The following PCDHGA11 variants were observed in gnomAD, a reference collection of about 807,000 sequenced individuals.
PCDHGA11 encodes protocadherin gamma-A11.
A neutral mutation model predicts 60.4 loss-of-function variants in PCDHGA11; 39 were observed. The observed-to-expected ratio is 0.65, with a 90% CI of 0.50 to 0.84. The LOEUF (loss-of-function observed/expected upper bound fraction) is 0.84. Among genes scored for constraint, PCDHGA11 ranks in the 40% least tolerant of loss-of-function variants. The pLI, the probability that PCDHGA11 is intolerant of heterozygous loss-of-function variation, is 0.00. For synonymous variants in PCDHGA11, 533 were observed against 510.3 expected (o/e 1.04, Z -0.60); for missense variants, 1,165 against 1,197.7 (o/e 0.97, Z 0.40).
In PCDHGA11 at chr5:141,477,080, A is replaced by G; in HGVS notation, c.2434-17727A>G. 1.9e-6 allele frequency: 3 copies of G among 1,614,254 alleles called. No homozygotes were observed. The highest frequency in any genetic ancestry group is 2.5e-6 in the Non-Finnish European group (3 of 1,180,042). ...GGACACCAAACTCCATGAGATTTAC[A>G]TCCAGGCCAAAGACAAGGGCGCCAA... On this transcript the variant is annotated intron_variant, in intron 1 of 3. Coordinates refer to ENST00000398587, the MANE Select transcript of PCDHGA11 (RefSeq NM_018914.3). The surrounding 1 kb of genome is among the most constrained non-coding windows in gnomAD (Gnocchi z 4.9).
intron 1 of PCDHGA11, among the ~76,000 whole-genome samples, chr5:141,450,005 T>A (rs1439257597): frequency 1.0e-5 from 1 of 99,604 alleles, no homozygotes; most frequent in Non-Finnish European, 1.8e-5. Context: ...TTGCCATGTC[T>A]CTTTTTTTTT....
At position 141,491,700 on chromosome 5, in the gene PCDHGA11, G is replaced by A. The variant is rs1199177466; in HGVS notation, c.2434-3107G>A. 3.1e-6 allele frequency: 5 copies of A among 1,611,830 alleles called. No homozygotes were observed. The highest frequency in any genetic ancestry group is 4.2e-6 in the Non-Finnish European group (5 of 1,179,142). On this transcript the variant is annotated intron_variant, in intron 1 of 3. Coordinates refer to ENST00000398587, the MANE Select transcript of PCDHGA11 (RefSeq NM_018914.3). The surrounding 1 kb of genome is among the most constrained non-coding windows in gnomAD (Gnocchi z 6.9). ...CTAATACGCTGCGGGAGCGGAGCCA[G>A]GTGAGGGGCTCGGCGCCGCCCCGGG...
intron 1 of PCDHGA11, among the ~76,000 whole-genome samples, chr5:141,482,089 CA>C (rs36035257): frequency 0.43 from 58,297 of 134,322 alleles, 12,050 homozygotes; most frequent in African/African-American, 0.53. Context: ...CACTCCATCT[CA>C]AAAAAAAAAA....
chr5:141,465,348 A>G (rs886810999), intron 1 of PCDHGA11, among the ~76,000 whole-genome samples: 2 of 152,158 alleles, frequency 1.3e-5, no homozygotes, highest in African/African-American at 4.8e-5. Flanking sequence ...GTTACTGAAG[A>G]AAAAATGGGT....
intron 1 of PCDHGA11, chr5:141,427,212 C>T (rs2097000434): frequency 4.4e-6 from 2 of 456,702 alleles, no homozygotes; most frequent in Non-Finnish European, 8.8e-6. Flanking sequence ...CTTCGAATTT[C>T]GTAGCAGTTA....
At chr5:141,427,707 T>C in intron 1 of PCDHGA11, 1 of 1,011,828 alleles carries the variant, frequency 9.9e-7, no homozygotes, top group Non-Finnish European at 1.5e-6. Context: ...AGTCAGCGCC[T>C]CTGACCTGGA....
chr5:141,476,438 C>G lies in PCDHGA11; in HGVS notation c.2434-18369C>G. On this transcript the variant is annotated intron_variant, in intron 1 of 3. Coordinates refer to ENST00000398587, the MANE Select transcript of PCDHGA11 (RefSeq NM_018914.3). This position sits in a 1 kb window ranked among gnomAD's most constrained non-coding sequence, Gnocchi z 7.6. The stretch of plus-strand genomic sequence containing the variant: ...GACACTGCCCTCTTGCACTGTAACT[C>G]TGGAGTTGGTAGTGGAGAACCCGCT... 1 of 1,614,090 alleles carries G rather than the reference C, an allele frequency of 6.2e-7. No homozygotes were observed. Among genetic ancestry groups the G allele is most frequent in the Non-Finnish European group, 8.5e-7 (1 of 1,180,026 alleles).
At position 141,490,982 on chromosome 5, in the gene PCDHGA11, G is replaced by T; in HGVS notation, c.2434-3825G>T. ...CACTCAGCCCCCCAGCGTCTCCCTC[G>T]CTCTGCTCCTCCTGGCTCCTTGGTC... On this transcript the variant is annotated intron_variant, in intron 1 of 3. Coordinates refer to ENST00000398587, the MANE Select transcript of PCDHGA11 (RefSeq NM_018914.3). This position sits in a 1 kb window ranked among gnomAD's most constrained non-coding sequence, Gnocchi z 5.4. 1.2e-6 allele frequency: 2 copies of T among 1,613,994 alleles called. No individual in the cohort carries two copies. The highest frequency in any genetic ancestry group is 1.7e-6 in the Non-Finnish European group (2 of 1,180,002).
rs2096549842 is a variant in PCDHGA11 at position 141,421,159 on chromosome 5, C to G, written c.-69C>G. On this transcript the variant is annotated 5_prime_UTR_variant, in exon 1 of 4. Transcript: ENST00000398587. ...TTTGGATGTAGTCGGCCTAGGACTTCATAGATACATAAGCCGATTCACAAC... is the reference window on the plus strand; with the variant it reads ...TTTGGATGTAGTCGGCCTAGGACTTGATAGATACATAAGCCGATTCACAAC... 3 of 1,236,898 alleles carry G rather than the reference C, an allele frequency of 2.4e-6. No individual in the cohort carries two copies. 76.6% of individuals were successfully genotyped at this position (1,236,898 alleles called of 1,614,324 possible). A position where few individuals can be genotyped will look rare whatever the true frequency, so the allele number is the denominator to read the frequency against.
rs758065876 is a variant in PCDHGA11 at position 141,422,916 on chromosome 5, C to A, written c.1689C>A (p.Ile563=). 5.6e-6 allele frequency: 9 copies of A among 1,614,260 alleles called. No homozygotes were observed. In the South Asian group the frequency reaches 9.9e-5, roughly 18 times the overall value. ...VLDQNDNAPE[I]LYPALPTDGS... ...ACCAGAACGACAATGCGCCCGAGAT[C>A]CTGTACCCTGCCCTCCCCACAGACG... Residue 563 remains isoleucine, a synonymous_variant, in exon 1 of 4, where the codon ATC becomes ATA. Coordinates refer to ENST00000398587, the MANE Select transcript of PCDHGA11 (RefSeq NM_018914.3).
At chr5:141,452,831 G>A (rs1184490491) in intron 1 of PCDHGA11, among the ~76,000 whole-genome samples, 1 of 152,104 alleles carries the variant, frequency 6.6e-6, no homozygotes, top group Non-Finnish European at 1.5e-5. Flanking sequence ...AAAATCACTT[G>A]GTCCAGCCCA....
intron 1 of PCDHGA11, chr5:141,475,956 G>T (rs2099382674): frequency 2.5e-6 from 2 of 805,186 alleles, no homozygotes; most frequent in South Asian, 1.9e-5. Flanking sequence ...TCTGCGCCCC[G>T]GGATGAGGCA....
At position 141,476,456 on chromosome 5, in the gene PCDHGA11, A is replaced by C; in HGVS notation, c.2434-18351A>C. The C allele has an allele frequency of 6.2e-7, 1 of 1,614,058 alleles. No homozygotes were observed. Among genetic ancestry groups the C allele is most frequent in the Non-Finnish European group, 8.5e-7 (1 of 1,180,010 alleles). On this transcript the variant is annotated intron_variant, in intron 1 of 3. Transcript: ENST00000398587. The surrounding 1 kb of genome is among the most constrained non-coding windows in gnomAD (Gnocchi z 7.6). ...TGTAACTCTGGAGTTGGTAGTGGAGAACCCGCTGGAGCTGTTCAGCGTGGA... is the reference window on the plus strand; with the variant it reads ...TGTAACTCTGGAGTTGGTAGTGGAGCACCCGCTGGAGCTGTTCAGCGTGGA...
chr5:141,487,459 T>A lies in PCDHGA11; in HGVS notation c.2434-7348T>A. The A allele has an allele frequency of 1.2e-6, 2 of 1,614,102 alleles. No homozygotes were observed. Among genetic ancestry groups the A allele is most frequent in the Non-Finnish European group, 1.7e-6 (2 of 1,180,008 alleles). On this transcript the variant is annotated intron_variant, in intron 1 of 3. Transcript: ENST00000398587. The surrounding 1 kb of genome is among the most constrained non-coding windows in gnomAD (Gnocchi z 5.0). ...TAGGGTCAGATGACCCTATCAAGTT[T>A]GTTGATGTGGGAGGCCACTCTCATG...
rs769249726 is a variant in PCDHGA11 at position 141,490,832 on chromosome 5, A to C, written c.2434-3975A>C. On this transcript the variant is annotated intron_variant, in intron 1 of 3. Transcript: ENST00000398587. This position sits in a 1 kb window ranked among gnomAD's most constrained non-coding sequence, Gnocchi z 5.4. Reference sequence around the variant, plus strand: ...GACTATGAATTGCTGCAGATGCTGCAGATTGTGGTGGGGGTTCGAGACTCC... The same window carrying C: ...GACTATGAATTGCTGCAGATGCTGCCGATTGTGGTGGGGGTTCGAGACTCC... 1.5e-5 allele frequency: 25 copies of C among 1,613,796 alleles called. No individual in the cohort carries two copies. In the South Asian group the frequency reaches 2.6e-4, roughly 17 times the overall value.
intron 1 of PCDHGA11, chr5:141,478,776 A>G (rs961079570): frequency 1.3e-6 from 2 of 1,488,690 alleles, no homozygotes; most frequent in East Asian, 2.5e-5. Flanking sequence ...TCATCTGTGG[A>G]CCTAATTCAC....
rs762312563 is a variant in PCDHGA11 at position 141,493,182 on chromosome 5, A to G, written c.2434-1625A>G. Among the ~76,000 whole-genome samples, 1 of 152,232 alleles carries G rather than the reference A, an allele frequency of 6.6e-6. No homozygotes were observed. The highest frequency in any genetic ancestry group is 2.4e-5 in the African/African-American group (1 of 41,460). The stretch of plus-strand genomic sequence containing the variant: ...TAGCTGATTGAGAGAAACTTACTAT[A>G]TAACTCCTTTGAGAACCTCATCTCA... On this transcript the variant is annotated intron_variant, in intron 1 of 3. Coordinates refer to ENST00000398587, the MANE Select transcript of PCDHGA11 (RefSeq NM_018914.3). The surrounding 1 kb of genome is among the most constrained non-coding windows in gnomAD (Gnocchi z 4.3).
chr5:141,436,659 G>A (rs771567212), intron 1 of PCDHGA11, among the ~76,000 whole-genome samples: 3 of 152,136 alleles, frequency 2.0e-5, no homozygotes, highest in Non-Finnish European at 2.9e-5. Flanking sequence ...GCCATTTTTA[G>A]TGGTTGACCA....
In PCDHGA11 at chr5:141,490,296, G is replaced by T; in HGVS notation, c.2434-4511G>T. The stretch of plus-strand genomic sequence containing the variant: ...ATGACAATGCCCCAGAGGTGCTATT[G>T]GCCTCTTTGGCCAACCCTGTCCTAG... On this transcript the variant is annotated intron_variant, in intron 1 of 3. Coordinates refer to ENST00000398587, the MANE Select transcript of PCDHGA11 (RefSeq NM_018914.3). This position sits in a 1 kb window ranked among gnomAD's most constrained non-coding sequence, Gnocchi z 5.4. 6.2e-7 allele frequency: 1 copy of T among 1,614,184 alleles called. No homozygotes were observed. Among genetic ancestry groups the T allele is most frequent in the South Asian group, 1.1e-5 (1 of 91,084 alleles).
Sources: allele counts gnomAD v4.1 joint callset (sites outside exome capture counted in the v4.1 genomes callset), GRCh38; gene constraint gnomAD v4.1.1; non-coding constraint Gnocchi (gnomAD v3.1); transcripts MANE v1.5; gene names NCBI Gene and HGNC (gene_info 2026-07-23, HGNC 2026-07-21).